DNAH7: variants seen among roughly 807,000 people sequenced by gnomAD.
DNAH7 encodes axonemal beta dynein heavy chain 7.
A neutral mutation model predicts 444.6 loss-of-function variants in DNAH7; 397 were observed. The observed-to-expected ratio is 0.89, with a 90% CI of 0.82 to 0.97. The LOEUF (loss-of-function observed/expected upper bound fraction) is 0.97. DNAH7 is among the 50% of genes least tolerant of loss of function. The pLI is 0.00. For missense variants in DNAH7, 4,902 were observed against 4,800.8 expected (o/e 1.02, Z -0.62); for synonymous variants, 1,636 against 1,624.4 (o/e 1.01, Z -0.17).
intron 22 of DNAH7, 136 bp downstream of exon 22, chr2:195,926,290 A>G (rs970917340): frequency 1.3e-6 from 1 of 771,710 alleles, no homozygotes; most frequent in African/African-American, 1.8e-5. Context: ...TATTTAAAAA[A>G]TCTGTAATTT....
chr2:195,880,989 T>G (rs1371917724), intron 36 of DNAH7, among the ~76,000 whole-genome samples: 1 of 151,422 alleles, frequency 6.6e-6, no homozygotes, highest in Non-Finnish European at 1.5e-5. Context: ...TTCTGTACAC[T>G]TTTAGTTTTT....
At chr2:195,819,404 T>C (rs552067543) in intron 49 of DNAH7, among the ~76,000 whole-genome samples, 3 of 152,342 alleles carry the variant, frequency 2.0e-5, no homozygotes, top group Admixed American at 1.3e-4. Context: ...TACAAACTTA[T>C]TGAATGAACA....
intron 54 of DNAH7, among the ~76,000 whole-genome samples, chr2:195,800,065 G>C (rs1467849523): frequency 5.9e-5 from 9 of 152,186 alleles, no homozygotes; most frequent in Non-Finnish European, 1.3e-4. Context: ...TTCAGGCCTT[G>C]ATTTGGGGGT....
At position 195,816,960 on chromosome 2, in the gene DNAH7, C is replaced by G; in HGVS notation, c.9429G>C (p.Gln3143His). Residue 3143 changes from glutamine (Q) to histidine (H), a missense_variant, in exon 51 of 65, where the codon CAG (glutamine) becomes CAC (histidine). Coordinates refer to ENST00000312428, the MANE Select transcript of DNAH7 (RefSeq NM_018897.3). Reference protein sequence around the residue: ...LILQGAENKRQLKEIEDKILE... With the variant: ...LILQGAENKRHLKEIEDKILE... The stretch of plus-strand genomic sequence containing the variant: ...AAATCTTGTCTTCTATTTCTTTTAA[C>G]TGCCTGGAATAAAACAAAATTTTCT... 6.3e-7 allele frequency: 1 copy of G among 1,582,668 alleles called. No homozygotes were observed. Among genetic ancestry groups the G allele is most frequent in the Non-Finnish European group, 8.6e-7 (1 of 1,167,312 alleles).
At chr2:195,853,303 T>C in intron 46 of DNAH7, 40 bp downstream of exon 46, 1 of 1,561,486 alleles carries the variant, frequency 6.4e-7, no homozygotes, top group Non-Finnish European at 8.7e-7. Flanking sequence ...TTGGCTGTGA[T>C]GGGCAGAGGG....
chr2:195,839,260 A>G (rs564251296), intron 47 of DNAH7, among the ~76,000 whole-genome samples: 2 of 151,962 alleles, frequency 1.3e-5, no homozygotes, highest in Non-Finnish European at 3.0e-5. Context: ...AAAAAAATAT[A>G]TTTCTGAAAA....
rs1269575132 is a variant in DNAH7 at position 195,824,271 on chromosome 2, G to C, written c.9275C>G (p.Pro3092Arg). The change falls in exon 49 of 65, where the codon CCT (proline) becomes CGT (arginine). Residue 3092 changes from proline to arginine, a missense_variant. Physicochemically the swap from Pro to Arg is moderately radical, Grantham distance 103. Transcript: ENST00000312428. ...TTKLRNPHYLPETSVKVTLLN... is the reference protein window; with the variant it reads ...TTKLRNPHYLRETSVKVTLLN... ...TATACTGGCCTTTACTGATGTTTCA[G>C]GAAGATAATGAGGATTTCTTAACTT... 6.2e-7 allele frequency: 1 copy of C among 1,612,222 alleles called. No individual in the cohort carries two copies.
chr2:195,845,150 A>G lies in DNAH7; in HGVS notation c.8797T>C (p.Trp2933Arg), dbSNP rs751231209. Reference protein sequence around the residue: ...STYRQNQTKEWTTLCKGRDIP... With the variant: ...STYRQNQTKERTTLCKGRDIP... ...TCTCTTCCTTTGCACAAAGTTGTCC[A>G]CTCTTTAGTTTGATTCTTTAGAACA... The change falls in exon 47 of 65, where the codon TGG becomes CGG. Residue 2933 changes from tryptophan to arginine, a missense_variant. Transcript: ENST00000312428. The G allele has an allele frequency of 6.2e-7, 1 of 1,610,098 alleles. No individual in the cohort carries two copies. Among genetic ancestry groups the G allele is most frequent in the Non-Finnish European group, 8.5e-7 (1 of 1,178,674 alleles).
intron 63 of DNAH7, among the ~76,000 whole-genome samples, chr2:195,753,910 G>A (rs1693937030): frequency 6.6e-6 from 1 of 152,132 alleles, no homozygotes; most frequent in South Asian, 2.1e-4. Flanking sequence ...TATGCTTCAA[G>A]GGACCAGGAA....
At chr2:195,985,654 GAGAGGCA>G (rs928300565) in intron 14 of DNAH7, among the ~76,000 whole-genome samples, 20 of 152,286 alleles carry the variant, frequency 1.3e-4, no homozygotes, top group Non-Finnish European at 2.8e-4. Context: ...GGAGTCTGGT[GAGAGGCA>G]AGAGGCATAA....
chr2:195,895,316 A>C (rs1702243070), intron 29 of DNAH7, 92 bp from the exon 30 acceptor site: 29 of 793,830 alleles, frequency 3.7e-5, no homozygotes, highest in Non-Finnish European at 5.4e-5. Flanking sequence ...ATTAGATAAT[A>C]ATAGTTCAAC....
intron 15 of DNAH7, among the ~76,000 whole-genome samples, chr2:195,983,439 G>T (rs1434701488): frequency 6.6e-6 from 1 of 152,154 alleles, no homozygotes; most frequent in Non-Finnish European, 1.5e-5. Flanking sequence ...AGAAGGCAAA[G>T]GGTAATGTGA....
intron 5 of DNAH7, among the ~76,000 whole-genome samples, chr2:196,029,074 A>G (rs1467481698): frequency 6.6e-6 from 1 of 152,248 alleles, no homozygotes; most frequent in Non-Finnish European, 1.5e-5. Context: ...GTATGAAAGT[A>G]GAAGAAATCC....
chr2:196,032,316 T>G (rs1174148606), intron 5 of DNAH7, among the ~76,000 whole-genome samples: 1 of 152,030 alleles, frequency 6.6e-6, no homozygotes, highest in Non-Finnish European at 1.5e-5. Flanking sequence ...GAGATTTGGG[T>G]GGGGACACAG....
chr2:195,927,473 G>A (rs575284993), intron 21 of DNAH7, among the ~76,000 whole-genome samples: 5 of 151,920 alleles, frequency 3.3e-5, no homozygotes, highest in African/African-American at 9.7e-5. Context: ...GAAAGAACAG[G>A]TGAAAATGGA....
At chr2:195,911,342 T>C (rs1057048727) in intron 24 of DNAH7, among the ~76,000 whole-genome samples, 11 of 152,258 alleles carry the variant, frequency 7.2e-5, no homozygotes, top group African/African-American at 2.2e-4. Flanking sequence ...ACAAGTTAAA[T>C]AGCAGAATAA....
chr2:195,778,661 T>C (rs1695210889), intron 58 of DNAH7, among the ~76,000 whole-genome samples: 3 of 97,796 alleles, frequency 3.1e-5, no homozygotes, highest in African/African-American at 1.3e-4. Flanking sequence ...TATATATATA[T>C]ATATATATAC....
At chr2:195,896,599 T>C (rs1365789190) in intron 29 of DNAH7, among the ~76,000 whole-genome samples, 1 of 152,164 alleles carries the variant, frequency 6.6e-6, no homozygotes, top group Non-Finnish European at 1.5e-5. Context: ...ACTTGAGAAA[T>C]ACTGCTTAAT....
chr2:195,777,790 G>A lies in DNAH7; in HGVS notation c.11064+10C>T, dbSNP rs1695130685. On this transcript the variant is annotated intron_variant, in intron 59 of 64. Transcript: ENST00000312428. Reference sequence around the variant, plus strand: ...TTACTGCTTTTAGTTTTTTTGAAGGGCATACTTACATCACCAGAAGGAGGA... The same window carrying A: ...TTACTGCTTTTAGTTTTTTTGAAGGACATACTTACATCACCAGAAGGAGGA... 1.3e-6 allele frequency: 2 copies of A among 1,598,848 alleles called. No homozygotes were observed. Among genetic ancestry groups the A allele is most frequent in the Admixed American group, 1.7e-5 (1 of 59,032 alleles).
Sources: allele counts gnomAD v4.1 joint callset (sites outside exome capture counted in the v4.1 genomes callset), GRCh38; gene constraint gnomAD v4.1.1; transcripts MANE v1.5; gene names NCBI Gene and HGNC (gene_info 2026-07-23, HGNC 2026-07-21).